The following DNAJC16 variants were observed in gnomAD, a reference collection of about 807,000 sequenced individuals.
DNAJC16 encodes DnaJ heat shock protein family (Hsp40) member C16.
A neutral mutation model predicts 92.7 loss-of-function variants in DNAJC16; 76 were observed. The observed-to-expected ratio is 0.82, with a 90% confidence interval of 0.68 to 0.99. The LOEUF (loss-of-function observed/expected upper bound fraction) is 0.99, where lower values mean the gene tolerates loss of function less well. DNAJC16 is among the 50% of genes least tolerant of loss of function. The pLI, the probability that DNAJC16 is intolerant of heterozygous loss-of-function variation, is 0.00. For synonymous variants in DNAJC16, 328 were observed against 358.7 expected, an observed-to-expected ratio of 0.91 and a Z score of 0.97; for missense variants, 869 against 942.4, an observed-to-expected ratio of 0.92 and a Z score of 1.02.
chr1:15,533,497 G>A (rs1023886305), intron 2 of DNAJC16, among the ~76,000 whole-genome samples: 19 of 151,970 alleles, frequency 1.3e-4, no homozygotes, highest in African/African-American at 4.8e-5. Flanking sequence ...TGATAGTGGC[G>A]CAGGCCTGTA....
At chr1:15,547,318 T>G (rs1638333436) in intron 6 of DNAJC16, among the ~76,000 whole-genome samples, 1 of 151,998 alleles carries the variant, frequency 6.6e-6, no homozygotes, top group African/African-American at 2.4e-5. Flanking sequence ...CAGCTAACGT[T>G]TCTATTTTTA....
chr1:15,566,020 C>T (rs751317531), intron 12 of DNAJC16, 21 bp downstream of exon 12: 12 of 1,613,068 alleles, frequency 7.4e-6, no homozygotes, highest in Admixed American at 1.7e-5. Context: ...TGTGGCTTCT[C>T]GGTGCACCAC....
chr1:15,567,716 T>C, intron 14 of DNAJC16, 62 bp from the exon 15 acceptor site: 1 of 1,504,392 alleles, frequency 6.6e-7, no homozygotes, highest in Admixed American at 2.0e-5. Context: ...GGGGTATTTA[T>C]TTTCTCAGCA....
chr1:15,547,205 C>T (rs536341779), intron 6 of DNAJC16, among the ~76,000 whole-genome samples: 8 of 144,394 alleles, frequency 5.5e-5, no homozygotes, highest in African/African-American at 2.1e-4. Context: ...AGTGCAGTGG[C>T]GCGATCTCCT....
rs889852214 is a variant in DNAJC16, at chr1:15,566,189, A to G, written c.1778+9A>G. On this transcript the variant is annotated intron_variant, in intron 13 of 14. Coordinates refer to ENST00000375847, the MANE Select transcript of DNAJC16 (RefSeq NM_015291.4). The stretch of plus-strand genomic sequence containing the variant: ...ACCAAAGAAAACAGCAGGTTTCTCT[A>G]ACAAAACACCAGACTCACCTCCCCG... 1 of 1,611,182 alleles carries G rather than the reference A, an allele frequency of 6.2e-7. No homozygotes were observed. Among genetic ancestry groups the G allele is most frequent in the Non-Finnish European group, 8.5e-7 (1 of 1,178,002 alleles).
At chr1:15,542,353 G>C (rs1014452170) in intron 4 of DNAJC16, 2 of 152,244 alleles carry the variant, frequency 1.3e-5, no homozygotes, top group Admixed American at 1.3e-4. Flanking sequence ...CTGAACTACT[G>C]GGTTTGAGAG....
rs751324820 is a variant in DNAJC16 at position 15,536,587 on chromosome 1, A to G, written c.347A>G (p.His116Arg). ...QQREYRFRHF[H>R]ENFYFDESFF... ...CGAGAGTATCGCTTCCGCCATTTCC[A>G]TGAAAATTTTTATTTTGATGAATCC... Residue 116 changes from histidine to arginine, a missense_variant, in exon 4 of 15, where the codon CAT (histidine) becomes CGT (arginine). Coordinates refer to ENST00000375847, the MANE Select transcript of DNAJC16 (RefSeq NM_015291.4). 1 of 1,614,206 alleles carries G rather than the reference A, an allele frequency of 6.2e-7. No individual in the cohort carries two copies. The highest frequency in any genetic ancestry group is 1.1e-5 in the South Asian group (1 of 91,090).
chr1:15,531,409 C>T (rs917995261), intron 2 of DNAJC16, among the ~76,000 whole-genome samples: 5 of 152,226 alleles, frequency 3.3e-5, no homozygotes, highest in Admixed American at 3.3e-4. Context: ...TTATACATGA[C>T]CTCCTTCCAG....
rs759524331 is a variant in DNAJC16, at chr1:15,563,972, A to G, written c.1382A>G (p.Tyr461Cys). ...ERRNTAGRVVYKTLEDPWIGS... is the reference protein window; with the variant it reads ...ERRNTAGRVVCKTLEDPWIGS... ...CGCAACACAGCAGGAAGGGTGGTGT[A>G]TAAAACCCTGGAAGACCCTTGGATT... Residue 461 changes from tyrosine to cysteine, a missense_variant, in exon 10 of 15, where the codon TAT becomes TGT. By Grantham distance (194) the Tyr-to-Cys change is radical. Transcript: ENST00000375847. 6.2e-7 allele frequency: 1 copy of G among 1,614,190 alleles called. No homozygotes were observed. Among genetic ancestry groups the G allele is most frequent in the Non-Finnish European group, 8.5e-7 (1 of 1,180,030 alleles).
chr1:15,529,041 G>C (rs141687841), intron 1 of DNAJC16, 47 bp from the exon 2 acceptor site: 27 of 1,560,194 alleles, frequency 1.7e-5, no homozygotes, highest in Non-Finnish European at 2.4e-5. Flanking sequence ...AAGCAAGACT[G>C]TCCAGGTTTC....
In DNAJC16 at chr1:15,567,939, A is replaced by T; in HGVS notation, c.2111A>T (p.His704Leu). The T allele has an allele frequency of 6.2e-7, 1 of 1,614,236 alleles. No individual in the cohort carries two copies. Among genetic ancestry groups the T allele is most frequent in the Non-Finnish European group, 8.5e-7 (1 of 1,180,034 alleles). ...YTGYVLALNG[H>L]KKYFCLFKPQ... is the part of the protein sequence containing the mutation. ...GGTTATGTACTGGCTCTGAATGGCCACAAGAAATACTTCTGCCTCTTCAAG... is the reference window on the plus strand; with the variant it reads ...GGTTATGTACTGGCTCTGAATGGCCTCAAGAAATACTTCTGCCTCTTCAAG... The change falls in exon 15 of 15, where the codon CAC becomes CTC. Residue 704 changes from histidine to leucine, a missense_variant. Transcript: ENST00000375847.
rs1372135623 is a variant in DNAJC16, at chr1:15,570,051, C to A, written c.*1874C>A. Reference sequence around the variant, plus strand: ...TGGTAAGTAATAAATTATTTAAGGCCAGGAATTCCTGTAGTTTTCATGGAG... The same window carrying A: ...TGGTAAGTAATAAATTATTTAAGGCAAGGAATTCCTGTAGTTTTCATGGAG... On this transcript the variant is annotated 3_prime_UTR_variant, in exon 15 of 15. Transcript: ENST00000375847. 6.6e-6 allele frequency: 1 copy of A among 152,500 alleles called. No homozygotes were observed. Among genetic ancestry groups the A allele is most frequent in the African/African-American group, 2.4e-5 (1 of 41,376 alleles). The allele number at this position is 152,500 out of a possible 1,614,324, so 9.4% of individuals were successfully genotyped here.
At chr1:15,533,366 C>T (rs1710703466) in intron 2 of DNAJC16, among the ~76,000 whole-genome samples, 1 of 152,180 alleles carries the variant, frequency 6.6e-6, no homozygotes. Flanking sequence ...GTGGCTCACG[C>T]CTGTATTCCC....
intron 7 of DNAJC16, among the ~76,000 whole-genome samples, chr1:15,554,069 G>T (rs535462093): frequency 6.6e-6 from 1 of 152,010 alleles, no homozygotes; most frequent in Non-Finnish European, 1.5e-5. Context: ...TGGGTGTGGT[G>T]GTACACACCT....
At chr1:15,557,368 G>A (rs2103422202) in intron 7 of DNAJC16, among the ~76,000 whole-genome samples, 1 of 152,242 alleles carries the variant, frequency 6.6e-6, no homozygotes, top group East Asian at 1.9e-4. Flanking sequence ...TGTCATCTTT[G>A]AGAATGATTA....
At chr1:15,542,423 A>G (rs964126958) in intron 4 of DNAJC16, 1 of 152,254 alleles carries the variant, frequency 6.6e-6, no homozygotes, top group East Asian at 1.9e-4. Flanking sequence ...GGAGGGCAGG[A>G]TGCTCCCACC....
chr1:15,563,643 T>A (rs867054812), intron 9 of DNAJC16, among the ~76,000 whole-genome samples: 1 of 127,556 alleles, frequency 7.8e-6, no homozygotes, highest in Non-Finnish European at 1.6e-5. Flanking sequence ...CTGGCTAGCA[T>A]GGTGAAACCC....
intron 4 of DNAJC16, among the ~76,000 whole-genome samples, chr1:15,537,444 C>T (rs1403944480): frequency 6.6e-6 from 1 of 152,166 alleles, no homozygotes; most frequent in Middle Eastern, 3.2e-3. Context: ...AAAATATATA[C>T]ACAGAGAATT....
chr1:15,529,251 A>T lies in DNAJC16; in HGVS notation c.146A>T (p.Tyr49Phe). Residue 49 changes from tyrosine (Y) to phenylalanine (F), a missense_variant, in exon 2 of 15, where the codon TAT becomes TTT. By Grantham distance (22) the Tyr-to-Phe change is conservative (BLOSUM62 3). Coordinates refer to ENST00000375847, the MANE Select transcript of DNAJC16 (RefSeq NM_015291.4). ...TASQADIKKA[Y>F]KKLAREWHPD... ...AGTCAGGCTGATATTAAAAAGGCTT[A>T]TAAGAAGCTCGCCCGGGAATGGTAG... 1 of 1,611,058 alleles carries T rather than the reference A, an allele frequency of 6.2e-7. No homozygotes were observed. The highest frequency in any genetic ancestry group is 1.3e-5 in the African/African-American group (1 of 75,006).
Sources: gnomAD v4.1 joint callset for allele counts (sites outside exome capture counted in the v4.1 genomes callset) on GRCh38, gnomAD v4.1.1 for gene constraint, MANE v1.5 for transcripts, NCBI Gene and HGNC (gene_info 2026-07-23, HGNC 2026-07-21) for gene names.